Variants in UNC5B observed in about 807,000 individuals in gnomAD.
UNC5B encodes unc-5 netrin receptor B.
UNC5B carries 56 observed loss-of-function variants against 103.7 expected under a neutral mutation model. That is an observed-to-expected ratio of 0.54 (90% CI 0.44 to 0.67). UNC5B has a LOEUF of 0.67. UNC5B is among the 30% of genes least tolerant of loss of function. The probability of loss-of-function intolerance (pLI) is 0.00; values close to 1 mark genes in which losing one functional copy is unlikely to be tolerated. For synonymous variants in UNC5B, 577 were observed against 542.0 expected (o/e 1.06, Z -0.90); for missense variants, 1,194 against 1,284.5 (o/e 0.93, Z 1.08).
intron 1 of UNC5B, among the ~76,000 whole-genome samples, chr10:71,224,848 T>C (rs934471966): frequency 1.5e-4 from 23 of 152,208 alleles, no homozygotes; most frequent in Admixed American, 9.8e-4. Flanking sequence ...TTCTTTCTGA[T>C]ATTGCCTTCT....
At chr10:71,268,172 C>A (rs1433746475) in intron 1 of UNC5B, among the ~76,000 whole-genome samples, 1 of 152,260 alleles carries the variant, frequency 6.6e-6, no homozygotes, top group Non-Finnish European at 1.5e-5. Flanking sequence ...GTTCCAAGGA[C>A]CCCTTCTATT....
intron 3 of UNC5B, 38 bp from the exon 4 acceptor site, chr10:71,285,288 C>T (rs752362542): frequency 3.9e-5 from 61 of 1,565,906 alleles, no homozygotes; most frequent in Middle Eastern, 3.3e-4. Context: ...TGATCCTGCC[C>T]GCACCTGACT....
At chr10:71,220,958 G>A (rs1439432075) in intron 1 of UNC5B, among the ~76,000 whole-genome samples, 4 of 152,196 alleles carry the variant, frequency 2.6e-5, no homozygotes, top group Admixed American at 1.3e-4. Context: ...CTGTAAGTCC[G>A]GAGTGGGGCA....
At chr10:71,250,244 G>A (rs1354744902) in intron 1 of UNC5B, among the ~76,000 whole-genome samples, 1 of 152,204 alleles carries the variant, frequency 6.6e-6, no homozygotes, top group African/African-American at 2.4e-5. Flanking sequence ...CTTTCCCCCC[G>A]GCCCTAGGGA....
At chr10:71,285,830 CCA>C (rs1262924589) in intron 4 of UNC5B, among the ~76,000 whole-genome samples, 2 of 152,194 alleles carry the variant, frequency 1.3e-5, no homozygotes, top group African/African-American at 4.8e-5. Context: ...CTTCCTGAAA[CCA>C]CAGTCTTTGG....
intron 1 of UNC5B, among the ~76,000 whole-genome samples, chr10:71,259,766 T>C (rs1844371852): frequency 6.6e-6 from 1 of 152,102 alleles, no homozygotes; most frequent in African/African-American, 2.4e-5. Flanking sequence ...GGAGGGAGTG[T>C]GGAGTTCGGT....
At chr10:71,253,016 T>C (rs1844208463) in intron 1 of UNC5B, among the ~76,000 whole-genome samples, 2 of 152,182 alleles carry the variant, frequency 1.3e-5, no homozygotes, top group African/African-American at 2.4e-5. Flanking sequence ...GTCCAGGACA[T>C]TGGTCATTTC....
Position 71,288,751 on chromosome 10 carries a change from G to A in UNC5B, c.1066+19G>A, listed in dbSNP as rs781249920. ...ATGCAAAGTGAGTCACAGGGAAGGT[G>A]GGGCCCTGGGGGTGGGGACTCTGGA... On this transcript the variant is annotated intron_variant, in intron 7 of 16. Transcript: ENST00000335350. 8.7e-5 allele frequency: 139 copies of A among 1,590,574 alleles called. No individual in the cohort carries two copies. Among genetic ancestry groups the A allele is most frequent in the Non-Finnish European group, 1.9e-5 (22 of 1,166,306 alleles).
intron 1 of UNC5B, among the ~76,000 whole-genome samples, chr10:71,232,747 T>A (rs1371889792): frequency 3.3e-5 from 5 of 152,252 alleles, no homozygotes; most frequent in Non-Finnish European, 5.9e-5. Flanking sequence ...CATGGATGGA[T>A]GCCAGTCCCC....
chr10:71,213,090 G>A lies in UNC5B; in HGVS notation c.79+26G>A. On this transcript the variant is annotated intron_variant, in intron 1 of 16. Transcript: ENST00000335350. This position sits in a 1 kb window ranked among gnomAD's most constrained non-coding sequence, Gnocchi z 4.1. ...GTAGGAAGCGATCGGGTCTGGGGGCGCGGGGCTAGGGGACCCTTGCGCCTC... is the reference window on the plus strand; with the variant it reads ...GTAGGAAGCGATCGGGTCTGGGGGCACGGGGCTAGGGGACCCTTGCGCCTC... The A allele has an allele frequency of 7.7e-7, 1 of 1,294,274 alleles. No individual in the cohort carries two copies. The highest frequency in any genetic ancestry group is 9.9e-7 in the Non-Finnish European group (1 of 1,015,136). 80.2% of individuals were successfully genotyped at this position (1,294,274 alleles called of 1,614,324 possible).
Position 71,287,673 on chromosome 10 carries a change from C to T in UNC5B, c.809C>T (p.Thr270Ile), listed in dbSNP as rs763080232. 3 of 1,613,280 alleles carry T rather than the reference C, an allele frequency of 1.9e-6. No individual in the cohort carries two copies. The highest frequency in any genetic ancestry group is 1.7e-6 in the Non-Finnish European group (2 of 1,179,642). The change falls in exon 6 of 17, where the codon ACC becomes ATC. Residue 270 changes from threonine to isoleucine, a missense_variant. By Grantham distance (89) the Thr-to-Ile change is moderately conservative (BLOSUM62 -1). Coordinates refer to ENST00000335350, the MANE Select transcript of UNC5B (RefSeq NM_170744.5). ...NRCGRGWQKR[T>I]RTCTNPAPLN... ...TGTGGCCGAGGCTGGCAGAAGCGCA[C>T]CCGGACCTGCACCAACCCCGCTCCA...
At position 71,301,396 on chromosome 10, in the gene UNC5B, G is replaced by T. The variant is rs985635386; in HGVS notation, c.*2119G>T. 2.6e-5 allele frequency: 4 copies of T among 152,290 alleles called. No homozygotes were observed. Among genetic ancestry groups the T allele is most frequent in the African/African-American group, 9.6e-5 (4 of 41,454 alleles). 9.4% of individuals were successfully genotyped at this position (152,290 alleles called of 1,614,324 possible). A position where few individuals can be genotyped will look rare whatever the true frequency, so the allele number is the denominator to read the frequency against. On this transcript the variant is annotated 3_prime_UTR_variant, in exon 17 of 17. Coordinates refer to ENST00000335350, the MANE Select transcript of UNC5B (RefSeq NM_170744.5). ...GATTCCTTCTACCAGGGCTGCTGAGGGGCCAGGCCTGCATCAGGGGCTAGG... is the reference window on the plus strand; with the variant it reads ...GATTCCTTCTACCAGGGCTGCTGAGTGGCCAGGCCTGCATCAGGGGCTAGG...
chr10:71,218,731 G>A (rs1031785145), intron 1 of UNC5B, among the ~76,000 whole-genome samples: 2 of 152,196 alleles, frequency 1.3e-5, no homozygotes, highest in African/African-American at 2.4e-5. Flanking sequence ...GCATGGGAGC[G>A]GCTGTGGTTT....
chr10:71,218,997 T>C (rs1407495591), intron 1 of UNC5B, among the ~76,000 whole-genome samples: 1 of 152,150 alleles, frequency 6.6e-6, no homozygotes, highest in Admixed American at 6.5e-5. Flanking sequence ...CAGAAGCGCT[T>C]ACCTGCTTTC....
chr10:71,229,196 TCA>T (rs1843632399), intron 1 of UNC5B, among the ~76,000 whole-genome samples: 2 of 152,212 alleles, frequency 1.3e-5, no homozygotes, highest in Admixed American at 1.3e-4. Flanking sequence ...TCAGCCAGCC[TCA>T]GTCAGCCCCT....
chr10:71,255,782 C>A (rs568650134), intron 1 of UNC5B, among the ~76,000 whole-genome samples: 1 of 152,382 alleles, frequency 6.6e-6, no homozygotes, highest in Admixed American at 6.5e-5. Context: ...CTCTGGACTT[C>A]TGCAAGCTCT....
chr10:71,268,868 T>C (rs965318528), intron 1 of UNC5B, among the ~76,000 whole-genome samples: 3 of 152,214 alleles, frequency 2.0e-5, no homozygotes, highest in Non-Finnish European at 4.4e-5. Flanking sequence ...GGCATCTTCC[T>C]GCCCAGAACC....
intron 1 of UNC5B, among the ~76,000 whole-genome samples, chr10:71,226,699 T>C (rs1239192024): frequency 6.6e-6 from 1 of 152,262 alleles, no homozygotes; most frequent in Non-Finnish European, 1.5e-5. Context: ...TCTGATTTAT[T>C]GCAGGAATGC....
At chr10:71,225,348 G>T (rs540335475) in intron 1 of UNC5B, among the ~76,000 whole-genome samples, 1 of 152,384 alleles carries the variant, frequency 6.6e-6, no homozygotes, top group East Asian at 1.9e-4. Flanking sequence ...ACTGCTGCCT[G>T]TGTGGCAGGG....
Sources: gnomAD v4.1 joint callset for allele counts (sites outside exome capture counted in the v4.1 genomes callset) on GRCh38, gnomAD v4.1.1 for gene constraint, Gnocchi (gnomAD v3.1) non-coding constraint, MANE v1.5 for transcripts, NCBI Gene and HGNC (gene_info 2026-07-23, HGNC 2026-07-21) for gene names.